Variants in RASEF observed in about 807,000 individuals in gnomAD.
RASEF encodes the protein RAS and EF-hand domain containing.
In RASEF, 68 loss-of-function variants were observed where a neutral mutation model predicts 90.1. The ratio of observed to expected loss-of-function variants is 0.75; its 90% CI spans 0.62 to 0.92. The LOEUF (loss-of-function observed/expected upper bound fraction) is 0.92, where lower values mean the gene tolerates loss of function less well. Ranked by LOEUF, RASEF falls within the 40% of genes least tolerant of loss-of-function variation. The probability of loss-of-function intolerance (pLI) is 0.00; values close to 1 mark genes in which losing one functional copy is unlikely to be tolerated. For synonymous variants in RASEF, 331 were observed against 345.2 expected (o/e 0.96, Z 0.46); for missense variants, 949 against 937.2 (o/e 1.01, Z -0.16).
the RASEF span, among the ~76,000 whole-genome samples, chr9:83,190,238 C>T: frequency 2.0e-5 from 3 of 152,280 alleles, no homozygotes; most frequent in South Asian, 2.1e-4. Context: ...CCCTGTTACA[C>T]GAAGCATCTA....
At chr9:82,990,340 CATATGCA>C (rs1226442729) in intron 16 of RASEF, 44 bp downstream of exon 16, 1 of 1,228,102 alleles carries the variant, frequency 8.1e-7, no homozygotes, top group African/African-American at 1.5e-5. Flanking sequence ...AGAAATGTGT[CATATGCA>C]ACAAGCGAAA....
the RASEF span, among the ~76,000 whole-genome samples, chr9:83,073,737 C>T: frequency 6.6e-6 from 1 of 152,248 alleles, no homozygotes; most frequent in Non-Finnish European, 1.5e-5. Flanking sequence ...ACTTACTCTT[C>T]TCTCATGATA....
At chr9:83,029,393 CTTT>C (rs869144602) in intron 1 of RASEF, among the ~76,000 whole-genome samples, 5 of 134,806 alleles carry the variant, frequency 3.7e-5, no homozygotes, top group East Asian at 4.2e-4. Flanking sequence ...GACTTGCCTT[CTTT>C]TTTTTTTTTT....
chr9:83,144,395 A>AGAAAGGAAG, the RASEF span, among the ~76,000 whole-genome samples: 1 of 120,160 alleles, frequency 8.3e-6, no homozygotes, highest in Non-Finnish European at 1.9e-5. Context: ...AAGAAAGGAA[A>AGAAAGGAAG]GAAAGAAAGA....
At chr9:83,106,668 T>G in the RASEF span, among the ~76,000 whole-genome samples, 1 of 152,200 alleles carries the variant, frequency 6.6e-6, no homozygotes, top group Non-Finnish European at 1.5e-5. Flanking sequence ...GCTTTAGACT[T>G]TGTCATACCC....
At chr9:83,133,637 C>T in the RASEF span, among the ~76,000 whole-genome samples, 1 of 152,106 alleles carries the variant, frequency 6.6e-6, no homozygotes, top group Non-Finnish European at 1.5e-5. Flanking sequence ...CAATGAGGCA[C>T]TCTCCATCAG....
At chr9:83,027,199 T>A (rs1268727347) in intron 1 of RASEF, among the ~76,000 whole-genome samples, 2 of 152,178 alleles carry the variant, frequency 1.3e-5, no homozygotes, top group Admixed American at 6.5e-5. Flanking sequence ...CTCAGTATGT[T>A]CATCAACCCA....
At chr9:83,009,880 G>C in intron 5 of RASEF, 124 bp from the exon 6 acceptor site, 1 of 560,910 alleles carries the variant, frequency 1.8e-6, no homozygotes, top group Non-Finnish European at 3.2e-6. Context: ...CAAAATCTCA[G>C]TGTTCAAACA....
the RASEF span, among the ~76,000 whole-genome samples, chr9:83,136,031 T>C: frequency 1.3e-5 from 2 of 152,052 alleles, no homozygotes; most frequent in Non-Finnish European, 2.9e-5. Context: ...TGTGTATATG[T>C]ATATACATAT....
chr9:82,985,411 T>A (rs1357023792), intron 16 of RASEF, among the ~76,000 whole-genome samples: 3 of 151,798 alleles, frequency 2.0e-5, no homozygotes, highest in Admixed American at 2.0e-4. Context: ...CTCAATTACC[T>A]CCCCCGGGGT....
the RASEF span, among the ~76,000 whole-genome samples, chr9:83,118,531 T>C: frequency 6.6e-6 from 1 of 152,220 alleles, no homozygotes; most frequent in African/African-American, 2.4e-5. Flanking sequence ...AGAAAACATA[T>C]TTTCATTTCA....
chr9:83,148,757 C>G, the RASEF span, among the ~76,000 whole-genome samples: 1 of 152,138 alleles, frequency 6.6e-6, no homozygotes, highest in Non-Finnish European at 1.5e-5. Flanking sequence ...GAATGTAGTA[C>G]CCATTCAACA....
chr9:83,125,113 GT>G, the RASEF span, among the ~76,000 whole-genome samples: 1 of 152,150 alleles, frequency 6.6e-6, no homozygotes, highest in African/African-American at 2.4e-5. Flanking sequence ...TTGGATTTTT[GT>G]TTTGCTTTTT....
At chr9:83,009,860 C>T (rs528486006) in intron 5 of RASEF, 104 bp from the exon 6 acceptor site, 57 of 597,940 alleles carry the variant, frequency 9.5e-5, no homozygotes, top group Non-Finnish European at 1.6e-4. Context: ...CTCACCCTTC[C>T]ACAACTCTTC....
intron 1 of RASEF, among the ~76,000 whole-genome samples, chr9:83,029,340 AG>A (rs375702322): frequency 3.0e-4 from 45 of 152,218 alleles, no homozygotes; most frequent in African/African-American, 1.1e-3. Context: ...AGCTTAGTTA[AG>A]CCTGGCCCCA....
the RASEF span, among the ~76,000 whole-genome samples, chr9:83,185,974 G>T: frequency 5.3e-5 from 8 of 152,238 alleles, no homozygotes; most frequent in East Asian, 1.9e-4. Flanking sequence ...GGGTGGCGGG[G>T]GGGGCAAGGG....
intron 1 of RASEF, among the ~76,000 whole-genome samples, chr9:83,036,485 G>C (rs376234463): frequency 6.6e-6 from 1 of 152,234 alleles, no homozygotes; most frequent in African/African-American, 2.4e-5. Context: ...GGATGCTCTT[G>C]CTACAGTGAG....
chr9:83,086,801 G>GA, the RASEF span, among the ~76,000 whole-genome samples: 2 of 152,172 alleles, frequency 1.3e-5, no homozygotes, highest in Non-Finnish European at 2.9e-5. Context: ...AGTGATGAGA[G>GA]AGAGAGAAAG....
Position 83,004,603 on chromosome 9 carries a change from A to T in RASEF, c.1114-17T>A. ...ATTTATATGCTGTAATATAGAAGTA[A>T]TCATTTGTTAGTTCATGTAATTTTC... On this transcript the variant is annotated splice_polypyrimidine_tract_variant and intron_variant, in intron 8 of 16. Coordinates refer to ENST00000376447, the MANE Select transcript of RASEF (RefSeq NM_152573.4). 1 of 1,414,188 alleles carries T rather than the reference A, an allele frequency of 7.1e-7. No homozygotes were observed. The highest frequency in any genetic ancestry group is 1.0e-6 in the Non-Finnish European group (1 of 998,338). 87.6% of individuals were successfully genotyped at this position (1,414,188 alleles called of 1,614,324 possible). A position where few individuals can be genotyped will look rare whatever the true frequency, so the allele number is the denominator to read the frequency against.
Sources: gnomAD v4.1 joint callset for allele counts (sites outside exome capture counted in the v4.1 genomes callset) on GRCh38, gnomAD v4.1.1 for gene constraint, MANE v1.5 for transcripts, NCBI Gene and HGNC (gene_info 2026-07-23, HGNC 2026-07-21) for gene names.